CCDC68: variants seen among roughly 807,000 people sequenced by gnomAD.
CCDC68 encodes coiled-coil domain containing 68.
CCDC68 carries 45 observed loss-of-function variants against 47.1 expected under a neutral mutation model. The ratio of observed to expected loss-of-function variants is 0.96; its 90% CI spans 0.75 to 1.23. The LOEUF (loss-of-function observed/expected upper bound fraction) is 1.23, where lower values mean the gene tolerates loss of function less well. CCDC68 is among the 50% of genes most tolerant of loss of function. The probability of loss-of-function intolerance (pLI) is 0.00; values close to 1 mark genes in which losing one functional copy is unlikely to be tolerated. For synonymous variants in CCDC68, 131 were observed against 129.5 expected (o/e 1.01, Z -0.08); for missense variants, 353 against 373.6 (o/e 0.94, Z 0.45).
chr18:54,909,451 A>C (rs1341176085), intron 10 of CCDC68, among the ~76,000 whole-genome samples: 1 of 147,490 alleles, frequency 6.8e-6, no homozygotes, highest in African/African-American at 2.5e-5. Flanking sequence ...GCGCGATCTC[A>C]GTGTTACAAG....
In CCDC68 at chr18:54,942,691, GT is replaced by G. The variant is rs780624065; in HGVS notation, c.100del (p.Thr34ProfsTer4). 1.3e-6 allele frequency: 2 copies of G among 1,589,938 alleles called. No homozygotes were observed. The highest frequency in any genetic ancestry group is 1.7e-6 in the Non-Finnish European group (2 of 1,162,640). On this transcript the variant is annotated frameshift_variant, in exon 3 of 12. Coordinates refer to ENST00000591504, the MANE Select transcript of CCDC68 (RefSeq NM_025214.3). LOFTEE classifies it high-confidence loss of function. The stretch of plus-strand genomic sequence containing the variant: ...CCCACATACCTTTTTCACATACTCG[GT>G]TTCTTCAATAATGTGAGCGGACGTA... ...ESTSAHIIEE[T>X]EYVKKIRTTL...
rs377515969 is a variant in CCDC68, at chr18:54,924,876, G to A, written c.683+3924C>T. On this transcript the variant is annotated intron_variant, in intron 8 of 11. Coordinates refer to ENST00000591504, the MANE Select transcript of CCDC68 (RefSeq NM_025214.3). Reference sequence around the variant, plus strand: ...GGTAGCATTATTGGACTTTCTCACCGTGCCCTCTGTTCCCCCCTGTTCCAA... The same window carrying A: ...GGTAGCATTATTGGACTTTCTCACCATGCCCTCTGTTCCCCCCTGTTCCAA... Among the ~76,000 whole-genome samples, 270 of 152,198 alleles carry A rather than the reference G, an allele frequency of 1.8e-3. 1 individual carries two copies. The South Asian group carries it at 0.025, about 14-fold the overall frequency.
intron 1 of CCDC68, among the ~76,000 whole-genome samples, chr18:54,949,271 C>T (rs1259976740): frequency 1.3e-5 from 2 of 152,214 alleles, no homozygotes; most frequent in South Asian, 4.1e-4. Context: ...GTTGGGATTA[C>T]AGGCATGAGC....
Position 54,907,851 on chromosome 18 carries a change from T to C in CCDC68, c.885A>G (p.Leu295=), listed in dbSNP as rs778940317. ...CAGATGAAAGTGCTACCTGGGTTTT[T>C]AGTTCTTTATTCTAAAATTGAAAAA... ...VNILEAQNKE[L]KTQVALSSET... Residue 295 remains leucine, a synonymous_variant, in exon 11 of 12, where the codon CTA becomes CTG. Transcript: ENST00000591504. 5.0e-6 allele frequency: 8 copies of C among 1,598,190 alleles called. No individual in the cohort carries two copies. Among genetic ancestry groups the C allele is most frequent in the Non-Finnish European group, 6.9e-6 (8 of 1,165,544 alleles).
At chr18:54,929,535 C>CT (rs1357634371) in intron 7 of CCDC68, among the ~76,000 whole-genome samples, 1 of 152,066 alleles carries the variant, frequency 6.6e-6, no homozygotes, top group East Asian at 1.9e-4. Flanking sequence ...GCTGAGATGA[C>CT]TGTGTTCATT....
At chr18:54,931,920 C>A (rs996275174) in intron 7 of CCDC68, among the ~76,000 whole-genome samples, 1 of 152,094 alleles carries the variant, frequency 6.6e-6, no homozygotes, top group Non-Finnish European at 1.5e-5. Context: ...CCAGGGGGCA[C>A]CTACGACCAG....
intron 7 of CCDC68, among the ~76,000 whole-genome samples, chr18:54,930,195 G>A (rs1262408804): frequency 1.3e-5 from 2 of 152,036 alleles, no homozygotes; most frequent in African/African-American, 4.8e-5. Context: ...GCTAGTTTCT[G>A]AAAATATTTT....
intron 10 of CCDC68, among the ~76,000 whole-genome samples, chr18:54,908,764 G>C (rs1032331007): frequency 3.3e-5 from 5 of 152,080 alleles, no homozygotes; most frequent in Non-Finnish European, 5.9e-5. Flanking sequence ...CGTCACCCAG[G>C]CTGGATACAG....
intron 10 of CCDC68, among the ~76,000 whole-genome samples, chr18:54,913,686 G>A (rs1245140230): frequency 4.0e-5 from 6 of 151,850 alleles, no homozygotes; most frequent in African/African-American, 1.2e-4. Flanking sequence ...GGTGGTGTGC[G>A]CCTGTATTCC....
Position 54,934,890 on chromosome 18 carries a change from ACTTG to A in CCDC68, c.526_529del (p.Gln176LeufsTer30). The stretch of plus-strand genomic sequence containing the variant: ...GTGTTTTTCTTCAAGTTTTTCAGCA[ACTTG>A]ATTCAGATTTTCAACATGTTGTTTC... On this transcript the variant is annotated frameshift_variant, in exon 7 of 12. Transcript: ENST00000591504. LOFTEE classifies it high-confidence loss of function. 6.2e-7 allele frequency: 1 copy of A among 1,603,016 alleles called. No individual in the cohort carries two copies. Among genetic ancestry groups the A allele is most frequent in the Non-Finnish European group, 8.5e-7 (1 of 1,175,212 alleles).
intron 8 of CCDC68, among the ~76,000 whole-genome samples, chr18:54,923,723 T>A (rs1017037454): frequency 7.2e-5 from 11 of 152,156 alleles, no homozygotes; most frequent in African/African-American, 2.7e-4. Context: ...CAGTCTTTTT[T>A]TTTTTTTAAA....
At chr18:54,904,839 G>GTT (rs1476668672) in intron 11 of CCDC68, among the ~76,000 whole-genome samples, 1 of 152,136 alleles carries the variant, frequency 6.6e-6, no homozygotes, top group Non-Finnish European at 1.5e-5. Context: ...ATTTAAAACT[G>GTT]TAAGTATGTG....
At position 54,928,897 on chromosome 18, in the gene CCDC68, G is replaced by C. The variant is rs139173111; in HGVS notation, c.601-15C>G. On this transcript the variant is annotated splice_polypyrimidine_tract_variant and intron_variant, in intron 7 of 11. Transcript: ENST00000591504. Reference sequence around the variant, plus strand: ...GTTCTCTTTTCCTAGGAGAAAATAAGATACAAATTTTGCTAAACTGCATGT... The same window carrying C: ...GTTCTCTTTTCCTAGGAGAAAATAACATACAAATTTTGCTAAACTGCATGT... The C allele has an allele frequency of 3.2e-6, 5 of 1,545,566 alleles. No homozygotes were observed. The Admixed American group carries it at 8.4e-5, about 26-fold the overall frequency.
At chr18:54,922,256 C>A (rs1392247807) in intron 8 of CCDC68, among the ~76,000 whole-genome samples, 1 of 152,092 alleles carries the variant, frequency 6.6e-6, no homozygotes, top group East Asian at 1.9e-4. Flanking sequence ...GGGTAAGGTG[C>A]CACACCCTAA....
In CCDC68 at chr18:54,904,201, A is replaced by C. The variant is rs1913847212; in HGVS notation, c.*157T>G. 1 of 579,018 alleles carries C rather than the reference A, an allele frequency of 1.7e-6. No homozygotes were observed. Among genetic ancestry groups the C allele is most frequent in the Non-Finnish European group, 3.1e-6 (1 of 324,794 alleles). The allele number at this position is 579,018 out of a possible 1,614,324, so 35.9% of individuals were successfully genotyped here. A position where few individuals can be genotyped will look rare whatever the true frequency, so the allele number is the denominator to read the frequency against. On this transcript the variant is annotated 3_prime_UTR_variant, in exon 12 of 12. Coordinates refer to ENST00000591504, the MANE Select transcript of CCDC68 (RefSeq NM_025214.3). ...CATCCATTAAATATAGATTTGTTTG[A>C]TTTTCTGAAATGTCATCTTCTTGCA...
Position 54,908,407 on chromosome 18 carries a change from A to C in CCDC68, c.874-545T>G, listed in dbSNP as rs536570111. Among the ~76,000 whole-genome samples the C allele has an allele frequency of 6.6e-5, 10 of 152,334 alleles. No homozygotes were observed. In the East Asian group the frequency reaches 1.9e-3, roughly 29 times the overall value. ...CTACTTTGTGTAAGTTGTTGGAAGA[A>C]ACAAGTGTCATATGAACATAATATT... On this transcript the variant is annotated intron_variant, in intron 10 of 11. Coordinates refer to ENST00000591504, the MANE Select transcript of CCDC68 (RefSeq NM_025214.3).
chr18:54,911,340 T>C (rs945499638), intron 10 of CCDC68, among the ~76,000 whole-genome samples: 1 of 152,202 alleles, frequency 6.6e-6, no homozygotes, highest in Admixed American at 6.5e-5. Context: ...TGAAAGCCAC[T>C]GCACCTGGCC....
chr18:54,938,971 CT>C (rs1232114303), intron 4 of CCDC68, among the ~76,000 whole-genome samples: 2 of 152,144 alleles, frequency 1.3e-5, no homozygotes, highest in African/African-American at 4.8e-5. Flanking sequence ...GTGCTAGGCC[CT>C]TTACACAGGT....
intron 8 of CCDC68, among the ~76,000 whole-genome samples, chr18:54,919,922 AG>A (rs2044026266): frequency 6.6e-6 from 1 of 152,168 alleles, no homozygotes; most frequent in Non-Finnish European, 1.5e-5. Context: ...ATCATTCCAT[AG>A]GGAAACGGGG....
Sources: allele counts gnomAD v4.1 joint callset (sites outside exome capture counted in the v4.1 genomes callset), GRCh38; gene constraint gnomAD v4.1.1; transcripts MANE v1.5; gene names NCBI Gene and HGNC (gene_info 2026-07-23, HGNC 2026-07-21).